The following NEDD4L variants were observed in gnomAD, a reference collection of about 807,000 sequenced individuals.
The protein encoded by NEDD4L is NEDD4 like E3 ubiquitin protein ligase.
Under a neutral mutation model 148.9 loss-of-function variants are expected in NEDD4L, and 54 were observed. The observed-to-expected ratio is 0.36, with a 90% CI of 0.29 to 0.45. The LOEUF is 0.45. Ranked by LOEUF, NEDD4L falls within the 20% of genes least tolerant of loss-of-function variation. The pLI is 1.00. For missense variants in NEDD4L, 856 were observed against 1,233.8 expected, an observed-to-expected ratio of 0.69 and a Z score of 4.59; for synonymous variants, 433 against 440.7, an observed-to-expected ratio of 0.98 and a Z score of 0.22.
intron 5 of NEDD4L, among the ~76,000 whole-genome samples, chr18:58,254,560 CAAAA>C (rs71173040): frequency 1.8e-5 from 2 of 111,962 alleles, no homozygotes; most frequent in Admixed American, 9.2e-5. Flanking sequence ...AAATTATTAC[CAAAA>C]AAAAAAAAAA....
chr18:58,067,453 T>A (rs2082656578), intron 1 of NEDD4L, among the ~76,000 whole-genome samples: 1 of 152,154 alleles, frequency 6.6e-6, no homozygotes, highest in African/African-American at 2.4e-5. Context: ...ATGAGCTAAT[T>A]TGACATTTTC....
intron 1 of NEDD4L, among the ~76,000 whole-genome samples, chr18:58,050,310 T>C (rs988342783): frequency 1.4e-5 from 2 of 145,630 alleles, no homozygotes; most frequent in African/African-American, 2.5e-5. Flanking sequence ...AATAAATAAA[T>C]GAAAAAAAAA....
rs370071236 is a variant in NEDD4L, at chr18:58,162,140, C to G, written c.49-3648C>G. ...GCCAGAATCTCTCTCCAATTGTTCT[C>G]CCTCCTTCTGCCCTGTTCCCTCACA... On this transcript the variant is annotated intron_variant, in intron 1 of 30. Transcript: ENST00000400345. Among the ~76,000 whole-genome samples the G allele has an allele frequency of 4.6e-5, 7 of 152,168 alleles. 1 individual carries two copies. In the East Asian group the frequency reaches 1.2e-3, roughly 25 times the overall value.
intron 1 of NEDD4L, among the ~76,000 whole-genome samples, chr18:58,077,053 A>T (rs913851919): frequency 3.3e-5 from 5 of 151,280 alleles, no homozygotes; most frequent in African/African-American, 4.9e-5. Flanking sequence ...GGTTTTGCTA[A>T]CAGGCCAGTC....
chr18:58,308,292 A>G (rs1019223328), intron 5 of NEDD4L, among the ~76,000 whole-genome samples: 2 of 152,248 alleles, frequency 1.3e-5, no homozygotes, highest in African/African-American at 4.8e-5. Flanking sequence ...CAAGAAAGAC[A>G]GTGAAGGAAC....
intron 5 of NEDD4L, among the ~76,000 whole-genome samples, chr18:58,309,546 G>A (rs2057434942): frequency 6.6e-6 from 1 of 152,042 alleles, no homozygotes; most frequent in Admixed American, 6.6e-5. Flanking sequence ...TCCTGCCTGT[G>A]GCTGAGCCCT....
intron 1 of NEDD4L, among the ~76,000 whole-genome samples, chr18:58,064,776 A>C (rs764371268): frequency 1.3e-5 from 2 of 152,156 alleles, no homozygotes; most frequent in Non-Finnish European, 2.9e-5. Flanking sequence ...TAACTGCCTA[A>C]AGCTTCCTGT....
chr18:58,350,946 G>T (rs747818801), intron 17 of NEDD4L, 45 bp from the exon 18 acceptor site: 1 of 1,469,418 alleles, frequency 6.8e-7, no homozygotes, highest in Admixed American at 1.9e-5. Context: ...AGAACTCCTA[G>T]CTAATGTTTA....
intron 20 of NEDD4L, among the ~76,000 whole-genome samples, chr18:58,365,402 AC>A (rs944788059): frequency 3.9e-5 from 6 of 152,142 alleles, no homozygotes; most frequent in African/African-American, 1.4e-4. Flanking sequence ...CCAAGCCTGG[AC>A]CGCCTCTTTG....
chr18:58,267,242 C>A lies in NEDD4L; in HGVS notation c.297+15188C>A, dbSNP rs371944036. ...TCAATTCTAATGGTTAGGTATTAGTCCTCTGAGTTCCGGTTGCCCCTTAAC... is the reference window on the plus strand; with the variant it reads ...TCAATTCTAATGGTTAGGTATTAGTACTCTGAGTTCCGGTTGCCCCTTAAC... On this transcript the variant is annotated intron_variant, in intron 5 of 30. Coordinates refer to ENST00000400345, the MANE Select transcript of NEDD4L (RefSeq NM_001144967.3). Among the ~76,000 whole-genome samples, 544 of 152,102 alleles carry A rather than the reference C, an allele frequency of 3.6e-3. 20 individuals are homozygous for A. In the South Asian group the frequency reaches 0.09, roughly 25 times the overall value.
At chr18:58,145,172 C>A (rs2033974077) in intron 1 of NEDD4L, among the ~76,000 whole-genome samples, 1 of 152,178 alleles carries the variant, frequency 6.6e-6, no homozygotes. Flanking sequence ...TACCAGGGCC[C>A]CCTCTCATCA....
chr18:58,378,526 A>G (rs1205284158), intron 24 of NEDD4L, among the ~76,000 whole-genome samples: 1 of 152,162 alleles, frequency 6.6e-6, no homozygotes, highest in Non-Finnish European at 1.5e-5. Flanking sequence ...AGGGACACAG[A>G]GGGGTGGCAC....
intron 18 of NEDD4L, 25 bp downstream of exon 18, chr18:58,351,070 A>G (rs771658024): frequency 1.3e-6 from 2 of 1,573,604 alleles, no homozygotes; most frequent in South Asian, 2.3e-5. Flanking sequence ...TTATGGACAC[A>G]CAGGTGTTGT....
At chr18:58,176,465 AG>A (rs1247338225) in intron 2 of NEDD4L, among the ~76,000 whole-genome samples, 32 of 152,330 alleles carry the variant, frequency 2.1e-4, no homozygotes, top group African/African-American at 7.2e-4. Flanking sequence ...CCTCCCCAGT[AG>A]CTGGGAGTAC....
chr18:58,160,376 G>T (rs2036047755), intron 1 of NEDD4L, among the ~76,000 whole-genome samples: 1 of 152,150 alleles, frequency 6.6e-6, no homozygotes, highest in South Asian at 2.1e-4. Flanking sequence ...ACAAAATTCA[G>T]TGTAAAAGAA....
chr18:58,113,274 T>C (rs1468469767), intron 1 of NEDD4L, among the ~76,000 whole-genome samples: 1 of 152,202 alleles, frequency 6.6e-6, no homozygotes, highest in South Asian at 2.1e-4. Context: ...TTGATGATGA[T>C]TGGTGACAGA....
At chr18:58,233,970 G>A (rs2045573829) in intron 2 of NEDD4L, among the ~76,000 whole-genome samples, 1 of 151,938 alleles carries the variant, frequency 6.6e-6, no homozygotes, top group Non-Finnish European at 1.5e-5. Flanking sequence ...TTGTTTCTGT[G>A]TCTACCTTTC....
At chr18:58,383,099 G>A in intron 24 of NEDD4L, 147 bp from the exon 25 acceptor site, 1 of 560,396 alleles carries the variant, frequency 1.8e-6, no homozygotes, top group East Asian at 3.0e-5. Context: ...AAGCCTCATT[G>A]GACATTCTCT....
chr18:58,233,934 C>T (rs1449114451), intron 2 of NEDD4L, among the ~76,000 whole-genome samples: 2 of 122,012 alleles, frequency 1.6e-5, no homozygotes, highest in South Asian at 2.3e-4. Flanking sequence ...ATCTTCACAT[C>T]GTCTTTCCTC....
Sources: allele counts gnomAD v4.1 joint callset (sites outside exome capture counted in the v4.1 genomes callset), GRCh38; gene constraint gnomAD v4.1.1; transcripts MANE v1.5; gene names NCBI Gene and HGNC (gene_info 2026-07-23, HGNC 2026-07-21).